Variants in HIVEP3 observed in about 807,000 individuals in gnomAD.
HIVEP3 encodes the protein HIVEP zinc finger 3.
Under a neutral mutation model 152.8 loss-of-function variants are expected in HIVEP3, and 49 were observed. That is an observed-to-expected ratio of 0.32 (90% CI 0.26 to 0.41). The LOEUF is 0.41. Ranked by LOEUF, HIVEP3 falls within the 10% of genes least tolerant of loss-of-function variation. HIVEP3 has a pLI of 1.00. For missense variants in HIVEP3, 2,790 were observed against 3,103.3 expected, an observed-to-expected ratio of 0.90 and a Z score of 2.40; for synonymous variants, 1,269 against 1,289.0, an observed-to-expected ratio of 0.98 and a Z score of 0.33.
At chr1:41,615,358 G>A (rs1644951878) in intron 3 of HIVEP3, among the ~76,000 whole-genome samples, 1 of 152,192 alleles carries the variant, frequency 6.6e-6, no homozygotes, top group South Asian at 2.1e-4. Context: ...GGGATGCACT[G>A]GGGCTGCCCC....
chr1:41,991,302 A>C (rs1262609746), intron 1 of HIVEP3, among the ~76,000 whole-genome samples: 1 of 151,576 alleles, frequency 6.6e-6, no homozygotes, highest in Non-Finnish European at 1.5e-5. Flanking sequence ...GCAATAAAAA[A>C]TGATAAAGGG....
Position 41,967,214 on chromosome 1 carries a change from T to C in HIVEP3, n.120-48690A>G, listed in dbSNP as rs367602984. Among the ~76,000 whole-genome samples, 31 of 152,258 alleles carry C rather than the reference T, an allele frequency of 2.0e-4. No homozygotes were observed. The East Asian group carries it at 4.2e-3, about 21-fold the overall frequency. On this transcript the variant is annotated intron_variant and non_coding_transcript_variant, in intron 1 of 3. Transcript: ENST00000489103. The stretch of plus-strand genomic sequence containing the variant: ...AAGTGGACCTGATAGATATCTTCAG[T>C]ACTCCCCACCCAAAACAATAGAATA...
At chr1:41,877,958 A>G (rs1010512993) in intron 1 of HIVEP3, among the ~76,000 whole-genome samples, 1 of 152,212 alleles carries the variant, frequency 6.6e-6, no homozygotes, top group African/African-American at 2.4e-5. Flanking sequence ...ACACTTACAA[A>G]GAAACAGCAC....
chr1:41,527,265 GCTCA>G (rs1643002726), intron 5 of HIVEP3, among the ~76,000 whole-genome samples: 11 of 38,886 alleles, frequency 2.8e-4, no homozygotes, highest in South Asian at 1.6e-3. Flanking sequence ...ACCCTCACAT[GCTCA>G]CCCTCACACA....
At chr1:41,851,917 T>C (rs1643614462) in intron 1 of HIVEP3, among the ~76,000 whole-genome samples, 1 of 152,026 alleles carries the variant, frequency 6.6e-6, no homozygotes, top group South Asian at 2.1e-4. Context: ...GACCAAAGAG[T>C]TGGGTTCAAA....
At chr1:41,733,291 T>C (rs1047254641) in intron 1 of HIVEP3, among the ~76,000 whole-genome samples, 5 of 152,158 alleles carry the variant, frequency 3.3e-5, no homozygotes, top group African/African-American at 1.2e-4. Context: ...CCTTGGATTC[T>C]GAAACCCGAG....
intron 1 of HIVEP3, among the ~76,000 whole-genome samples, chr1:41,971,541 C>A (rs1317649786): frequency 1.3e-5 from 2 of 152,114 alleles, no homozygotes; most frequent in Non-Finnish European, 2.9e-5. Flanking sequence ...GGAAAACAGA[C>A]AAAGCTGTGT....
intron 1 of HIVEP3, among the ~76,000 whole-genome samples, chr1:41,724,249 A>G (rs1383070776): frequency 6.6e-6 from 1 of 152,228 alleles, no homozygotes; most frequent in Non-Finnish European, 1.5e-5. Flanking sequence ...CTACAAATGC[A>G]GCTTCAAGAT....
chr1:41,936,939 T>A (rs1021726628), intron 1 of HIVEP3, among the ~76,000 whole-genome samples: 11 of 152,206 alleles, frequency 7.2e-5, no homozygotes, highest in Non-Finnish European at 1.3e-4. Flanking sequence ...ATTCTCCCTA[T>A]TTGGTCCTAA....
intron 1 of HIVEP3, among the ~76,000 whole-genome samples, chr1:41,791,164 ACG>A (rs1649670165): frequency 8.1e-6 from 1 of 122,942 alleles, no homozygotes; most frequent in Admixed American, 8.0e-5. Context: ...ACACACACAC[ACG>A]AGTCTACACT....
intron 5 of HIVEP3, among the ~76,000 whole-genome samples, chr1:41,574,615 GCAGGTGCTAGAGGAT>G (rs750015024): frequency 5.3e-5 from 8 of 152,220 alleles, no homozygotes; most frequent in Non-Finnish European, 1.2e-4. Context: ...TTAGGCGCTT[GCAGGTGCTAGAGGAT>G]CAGAGGCCCC....
rs1285492065 is a variant in HIVEP3 at position 41,592,925 on chromosome 1, G to A, written c.-521-7607C>T. On this transcript the variant is annotated intron_variant, in intron 3 of 8. Coordinates refer to ENST00000372583, the MANE Select transcript of HIVEP3 (RefSeq NM_024503.5). ...TGGACACCGGCTTCTGCCAGTCTAG[G>A]CCCTGGCCAGGTCCTGACCTGCTGA... Among the ~76,000 whole-genome samples, 5 of 152,234 alleles carry A rather than the reference G, an allele frequency of 3.3e-5. No homozygotes were observed. In the East Asian group the frequency reaches 7.7e-4, roughly 24 times the overall value.
At chr1:41,534,086 G>T (rs1174987955) in intron 5 of HIVEP3, among the ~76,000 whole-genome samples, 2 of 151,938 alleles carry the variant, frequency 1.3e-5, no homozygotes, top group Non-Finnish European at 2.9e-5. Context: ...ATGCTCCAAG[G>T]GTGCCACCTC....
intron 1 of HIVEP3, among the ~76,000 whole-genome samples, chr1:41,960,859 C>A (rs1326323826): frequency 6.6e-6 from 1 of 152,214 alleles, no homozygotes; most frequent in Non-Finnish European, 1.5e-5. Flanking sequence ...CCCTGCCCCA[C>A]TGTGGCAGAT....
intron 1 of HIVEP3, among the ~76,000 whole-genome samples, chr1:41,721,584 T>C (rs1391013720): frequency 1.3e-5 from 2 of 152,240 alleles, no homozygotes; most frequent in South Asian, 2.1e-4. Context: ...ATAGTGCTAA[T>C]AGCAAATATT....
chr1:41,660,743 TAA>T (rs1236045860), intron 2 of HIVEP3, among the ~76,000 whole-genome samples: 1 of 152,216 alleles, frequency 6.6e-6, no homozygotes, highest in Non-Finnish European at 1.5e-5. Flanking sequence ...TGGACAAAGT[TAA>T]AGAGTCTTTT....
At position 41,582,874 on chromosome 1, in the gene HIVEP3, T is replaced by G. The variant is rs1332758409; in HGVS notation, c.1924A>C (p.Ile642Leu). The G allele has an allele frequency of 6.2e-7, 1 of 1,614,188 alleles. No individual in the cohort carries two copies. Among genetic ancestry groups the G allele is most frequent in the Admixed American group, 1.7e-5 (1 of 60,026 alleles). The change falls in exon 4 of 9, where the codon ATC (isoleucine) becomes CTC (leucine). Residue 642 changes from isoleucine (I) to leucine (L), a missense_variant. Transcript: ENST00000372583. This position sits in a 1 kb window ranked among gnomAD's most constrained non-coding sequence, Gnocchi z 4.7. ...GCACCACATATGTTACATTCGTAGA[T>G]CACCCCTTTTGTTTTCAAACCCTTC... ...TKKGLKTKGV[I>L]YECNICGARY...
chr1:41,763,640 A>T (rs1209978452), intron 1 of HIVEP3, among the ~76,000 whole-genome samples: 1 of 152,240 alleles, frequency 6.6e-6, no homozygotes, highest in Non-Finnish European at 1.5e-5. Context: ...TTCCTAATTT[A>T]TATGTGTATG....
At chr1:41,767,295 A>T (rs1238430209) in intron 1 of HIVEP3, among the ~76,000 whole-genome samples, 3 of 152,168 alleles carry the variant, frequency 2.0e-5, no homozygotes, top group African/African-American at 4.8e-5. Context: ...TGTGCTGGGG[A>T]TTAAAGAGGA....
Sources: gnomAD v4.1 joint callset for allele counts (sites outside exome capture counted in the v4.1 genomes callset) on GRCh38, gnomAD v4.1.1 for gene constraint, Gnocchi (gnomAD v3.1) non-coding constraint, MANE v1.5 for transcripts, NCBI Gene and HGNC (gene_info 2026-07-23, HGNC 2026-07-21) for gene names.